UTRN: variants seen among roughly 807,000 people sequenced by gnomAD.
The protein encoded by UTRN is dystrophin-related protein 1.
UTRN carries 283 observed loss-of-function variants against 463.9 expected under a neutral mutation model. That is an observed-to-expected ratio of 0.61 (90% CI 0.55 to 0.67). The LOEUF is 0.67. Ranked by LOEUF, UTRN falls within the 30% of genes least tolerant of loss-of-function variation. The pLI, the probability that UTRN is intolerant of heterozygous loss-of-function variation, is 0.00. For missense variants in UTRN, 3,922 were observed against 4,084.3 expected (o/e 0.96, Z 1.08); for synonymous variants, 1,442 against 1,431.5 (o/e 1.01, Z -0.17).
At position 144,716,239 on chromosome 6, in the gene UTRN, T is replaced by C. The variant is rs560565672; in HGVS notation, c.7810-14118T>C. Among the ~76,000 whole-genome samples, 79 of 136,324 alleles carry C rather than the reference T, an allele frequency of 5.8e-4. 2 individuals carry two copies. The highest frequency in any genetic ancestry group is 2.3e-3 in the African/African-American group (75 of 32,242). 89.4% of individuals were successfully genotyped at this position (136,324 alleles called of 152,430 possible). On this transcript the variant is annotated intron_variant, in intron 53 of 74. Coordinates refer to ENST00000367545, the MANE Select transcript of UTRN (RefSeq NM_007124.3). ...TTGAGATAGCTTTTAAAATATAGCT[T>C]TTTTTTTTTTTTAGCTGTATGTGCT...
chr6:144,684,994 T>C (rs754810223), intron 52 of UTRN, among the ~76,000 whole-genome samples: 1 of 152,198 alleles, frequency 6.6e-6, no homozygotes, highest in African/African-American at 2.4e-5. Context: ...GTACCCATTT[T>C]GTAGTTTTAT....
intron 10 of UTRN, among the ~76,000 whole-genome samples, chr6:144,436,765 TTA>T (rs998024108): frequency 1.4e-5 from 2 of 144,162 alleles, no homozygotes; most frequent in African/African-American, 2.5e-5. Flanking sequence ...ATATATATAT[TTA>T]TATATATAAT....
intron 2 of UTRN, among the ~76,000 whole-genome samples, chr6:144,345,511 C>CA (rs1172145533): frequency 6.6e-6 from 1 of 152,028 alleles, no homozygotes; most frequent in Non-Finnish European, 1.5e-5. Context: ...TCCATCTCTA[C>CA]AAAAAATTTA....
chr6:144,832,202 A>G (rs543398057), intron 69 of UTRN, among the ~76,000 whole-genome samples: 17 of 152,238 alleles, frequency 1.1e-4, no homozygotes, highest in Non-Finnish European at 2.4e-4. Context: ...ATATGTAATT[A>G]AGAACTAGAA....
chr6:144,512,225 A>G (rs1795235796), intron 35 of UTRN, among the ~76,000 whole-genome samples: 1 of 152,184 alleles, frequency 6.6e-6, no homozygotes, highest in African/African-American at 2.4e-5. Context: ...GGCACATAGA[A>G]TATGCTCATT....
At chr6:144,803,442 ACATATTTATGCTTT>A (rs1777876951) in intron 65 of UTRN, among the ~76,000 whole-genome samples, 1 of 152,054 alleles carries the variant, frequency 6.6e-6, no homozygotes, top group Non-Finnish European at 1.5e-5. Flanking sequence ...TTTCTTTTAG[ACATATTTATGCTTT>A]CATAGTTAAA....
intron 61 of UTRN, among the ~76,000 whole-genome samples, chr6:144,787,007 A>G (rs1484847362): frequency 6.6e-6 from 1 of 152,200 alleles, no homozygotes; most frequent in Non-Finnish European, 1.5e-5. Context: ...TGACAGCATC[A>G]GTTGTCTTCC....
chr6:144,504,537 G>A (rs528735260), intron 34 of UTRN, among the ~76,000 whole-genome samples: 23 of 152,080 alleles, frequency 1.5e-4, no homozygotes, highest in South Asian at 8.3e-4. Flanking sequence ...GATGGATTAC[G>A]TTTATTGATT....
chr6:144,482,479 T>C, intron 27 of UTRN, 91 bp downstream of exon 27: 1 of 922,750 alleles, frequency 1.1e-6, no homozygotes, highest in Non-Finnish European at 1.4e-6. Flanking sequence ...AACTCTGTAA[T>C]GTTTTGGCCA....
At chr6:144,762,420 T>C (rs908896174) in intron 58 of UTRN, among the ~76,000 whole-genome samples, 1 of 152,212 alleles carries the variant, frequency 6.6e-6, no homozygotes, top group Non-Finnish European at 1.5e-5. Flanking sequence ...CCATAGACGG[T>C]TACCATTTAC....
Position 144,852,784 on chromosome 6 carries a change from CAT to C in UTRN, c.*1788_*1789del, listed in dbSNP as rs1782555967. On this transcript the variant is annotated 3_prime_UTR_variant, in exon 75 of 75. Transcript: ENST00000367545. ...CTTCCTTGTTCTTACTTTAAAAAGT[CAT>C]GTGTTAATTTTTTTTCTGCCTGTAT... The C allele has an allele frequency of 6.6e-6, 1 of 152,532 alleles. No individual in the cohort carries two copies. The highest frequency in any genetic ancestry group is 2.1e-4 in the South Asian group (1 of 4,816). The allele number at this position is 152,532 out of a possible 1,614,324, so 9.4% of individuals were successfully genotyped here.
intron 65 of UTRN, among the ~76,000 whole-genome samples, chr6:144,816,657 C>CAT (rs35745369): frequency 0.56 from 84,142 of 150,526 alleles, 26,190 homozygotes; most frequent in East Asian, 0.95. Flanking sequence ...TTATACCAAA[C>CAT]GTGTTATATA....
chr6:144,756,262 T>A (rs1791974303), intron 57 of UTRN, among the ~76,000 whole-genome samples: 2 of 152,182 alleles, frequency 1.3e-5, no homozygotes, highest in East Asian at 3.8e-4. Flanking sequence ...AGACTGTCTT[T>A]ACAGTTCTAA....
intron 1 of UTRN, among the ~76,000 whole-genome samples, chr6:144,288,036 C>A (rs1322451884): frequency 6.6e-6 from 1 of 152,214 alleles, no homozygotes; most frequent in Non-Finnish European, 1.5e-5. Flanking sequence ...TCCTGAGAAC[C>A]AAAGATTCTG....
intron 26 of UTRN, among the ~76,000 whole-genome samples, chr6:144,480,257 G>A (rs535961191): frequency 8.2e-4 from 125 of 152,228 alleles, no homozygotes; most frequent in Non-Finnish European, 1.4e-3. Context: ...TACAGAGAAT[G>A]ACTTAAAAAC....
intron 51 of UTRN, among the ~76,000 whole-genome samples, chr6:144,578,797 C>G (rs956371906): frequency 1.3e-5 from 2 of 152,214 alleles, no homozygotes; most frequent in African/African-American, 4.8e-5. Flanking sequence ...CGTTATGAAA[C>G]TCAGCATTGA....
intron 54 of UTRN, among the ~76,000 whole-genome samples, chr6:144,738,824 C>A (rs1286904307): frequency 6.6e-6 from 1 of 152,128 alleles, no homozygotes; most frequent in African/African-American, 2.4e-5. Flanking sequence ...ATTTAAGCTG[C>A]CTGAATATCA....
At chr6:144,755,331 T>A (rs1340706111) in intron 57 of UTRN, among the ~76,000 whole-genome samples, 1 of 152,198 alleles carries the variant, frequency 6.6e-6, no homozygotes, top group Non-Finnish European at 1.5e-5. Flanking sequence ...CAGAATTTTA[T>A]GTAATATTTT....
At chr6:144,466,869 C>G (rs1790013162) in intron 23 of UTRN, among the ~76,000 whole-genome samples, 1 of 152,228 alleles carries the variant, frequency 6.6e-6, no homozygotes, top group South Asian at 2.1e-4. Flanking sequence ...AGCGCTCCTG[C>G]CTTTTCAGGC....
Sources: allele counts gnomAD v4.1 joint callset (sites outside exome capture counted in the v4.1 genomes callset), GRCh38; gene constraint gnomAD v4.1.1; transcripts MANE v1.5; gene names NCBI Gene and HGNC (gene_info 2026-07-23, HGNC 2026-07-21).